The following SCN2A variants were observed in gnomAD, a reference collection of about 807,000 sequenced individuals.
The protein encoded by SCN2A is sodium voltage-gated channel alpha subunit 2.
A neutral mutation model predicts 188.7 loss-of-function variants in SCN2A; 20 were observed. The ratio of observed to expected loss-of-function variants is 0.11; its 90% CI spans 0.07 to 0.15. The LOEUF is 0.15. Ranked by LOEUF, SCN2A falls within the 10% of genes least tolerant of loss-of-function variation. The probability of loss-of-function intolerance (pLI) is 1.00; values close to 1 mark genes in which losing one functional copy is unlikely to be tolerated. For missense variants in SCN2A, 1,278 were observed against 2,445.0 expected (o/e 0.52, Z 10.07); for synonymous variants, 804 against 833.1 (o/e 0.97, Z 0.60).
chr2:165,323,679 A>G (rs1698185644), intron 12 of SCN2A, among the ~76,000 whole-genome samples, 179 bp downstream of exon 12: 1 of 152,242 alleles, frequency 6.6e-6, no homozygotes, highest in Non-Finnish European at 1.5e-5. Flanking sequence ...TCTACAAAGT[A>G]ATTAAAAACC....
At chr2:165,312,161 A>G in intron 8 of SCN2A, 73 bp downstream of exon 8, 1 of 1,071,590 alleles carries the variant, frequency 9.3e-7, no homozygotes, top group Admixed American at 1.7e-5. Context: ...CCTCCCACTC[A>G]TCCAGTCCCA....
intron 6 of SCN2A, among the ~76,000 whole-genome samples, chr2:165,309,953 C>T (rs1697344513): frequency 6.6e-6 from 1 of 152,104 alleles, no homozygotes; most frequent in Non-Finnish European, 1.5e-5. Flanking sequence ...ACTCTATTCA[C>T]ATAGACTTTT....
rs1014113218 is a variant in SCN2A, at chr2:165,326,706, A to G, written c.2017-146A>G. The G allele has an allele frequency of 1.5e-5, 15 of 1,000,952 alleles. No individual in the cohort carries two copies. In the African/African-American group the frequency reaches 2.3e-4, roughly 15 times the overall value. The allele number at this position is 1,000,952 out of a possible 1,614,324, so 62.0% of individuals were successfully genotyped here. A position where few individuals can be genotyped will look rare whatever the true frequency, so the allele number is the denominator to read the frequency against. On this transcript the variant is annotated intron_variant, in intron 12 of 26. Coordinates refer to ENST00000375437, the MANE Select transcript of SCN2A (RefSeq NM_001040142.2). ...CAGACTTTTAAACAACCCCCAAAGA[A>G]TTATCATTCCAACAATATCTTAGTG...
intron 13 of SCN2A, chr2:165,328,392 C>G: frequency 8.2e-6 from 6 of 734,900 alleles, no homozygotes; most frequent in Non-Finnish European, 1.0e-5. Flanking sequence ...TTGCTCCTCC[C>G]TGTCCCTCCA....
chr2:165,249,383 C>T (rs563868103), intron 1 of SCN2A, among the ~76,000 whole-genome samples: 1 of 152,084 alleles, frequency 6.6e-6, no homozygotes, highest in Non-Finnish European at 1.5e-5. Flanking sequence ...TTGTCCAGGA[C>T]TTAATCATTG....
chr2:165,323,113 A>G (rs1167099968), intron 11 of SCN2A, 43 bp from the exon 12 acceptor site: 16 of 1,526,850 alleles, frequency 1.0e-5, no homozygotes, highest in African/African-American at 1.4e-5. Flanking sequence ...CCAGCTCTTA[A>G]CTCTCTTCAT....
At chr2:165,325,263 A>T (rs1314135796) in intron 12 of SCN2A, among the ~76,000 whole-genome samples, 1 of 152,160 alleles carries the variant, frequency 6.6e-6, no homozygotes, top group African/African-American at 2.4e-5. Flanking sequence ...CTGAAGGCAA[A>T]GTTGGGGCCA....
At chr2:165,296,524 T>A in intron 2 of SCN2A, 1 of 207,940 alleles carries the variant, frequency 4.8e-6, no homozygotes, top group Non-Finnish European at 9.8e-6. Flanking sequence ...TAAGTCACTT[T>A]GATCTTCAGT....
intron 19 of SCN2A, 121 bp downstream of exon 19, chr2:165,367,492 TGA>T (rs1700790931): frequency 1.7e-6 from 2 of 1,159,736 alleles, no homozygotes; most frequent in Non-Finnish European, 2.5e-6. Flanking sequence ...GAAATATGTG[TGA>T]CGTGTTTAGC....
At chr2:165,344,419 A>C in intron 15 of SCN2A, 136 bp from the exon 16 acceptor site, 1 of 483,906 alleles carries the variant, frequency 2.1e-6, no homozygotes, top group Non-Finnish European at 3.0e-6. Flanking sequence ...CACATTGTGC[A>C]CATGTACCCT....
At chr2:165,256,873 A>G (rs1694350631) in intron 1 of SCN2A, among the ~76,000 whole-genome samples, 1 of 152,232 alleles carries the variant, frequency 6.6e-6, no homozygotes, top group African/African-American at 2.4e-5. Flanking sequence ...AGATGATTCT[A>G]TCAAATATTG....
chr2:165,259,720 G>A (rs1301868600), intron 1 of SCN2A, among the ~76,000 whole-genome samples: 1 of 151,888 alleles, frequency 6.6e-6, no homozygotes, highest in South Asian at 2.1e-4. Context: ...TTCCTCCACC[G>A]AATTCTTGAA....
chr2:165,343,321 G>T (rs1699409119), intron 15 of SCN2A, among the ~76,000 whole-genome samples: 1 of 152,026 alleles, frequency 6.6e-6, no homozygotes, highest in Non-Finnish European at 1.5e-5. Context: ...GTAATCCTTA[G>T]AACTATATTT....
chr2:165,349,995 G>C (rs898212178), intron 16 of SCN2A, among the ~76,000 whole-genome samples: 1 of 152,154 alleles, frequency 6.6e-6, no homozygotes, highest in Non-Finnish European at 1.5e-5. Flanking sequence ...ACAATGGATG[G>C]GACTGCCAGC....
In SCN2A at chr2:165,295,775, C is replaced by T. The variant is rs752540179; in HGVS notation, c.-49C>T. 1 of 1,613,358 alleles carries T rather than the reference C, an allele frequency of 6.2e-7. No homozygotes were observed. The highest frequency in any genetic ancestry group is 1.7e-5 in the Admixed American group (1 of 59,954). On this transcript the variant is annotated splice_region_variant and 5_prime_UTR_variant, in exon 2 of 27. Coordinates refer to ENST00000375437, the MANE Select transcript of SCN2A (RefSeq NM_001040142.2). ...TTTTTCCCTCCCTGTTTCTGTAGCA[C>T]TTTCTTATGCAAGGAGCTAAACAGT...
At chr2:165,241,314 G>C (rs1693613320) in intron 1 of SCN2A, among the ~76,000 whole-genome samples, 1 of 152,156 alleles carries the variant, frequency 6.6e-6, no homozygotes, top group East Asian at 1.9e-4. Context: ...CTGTTTCTTA[G>C]TATGCCTTTT....
intron 1 of SCN2A, chr2:165,274,453 T>C (rs1056957428): frequency 3.9e-5 from 6 of 151,914 alleles, no homozygotes; most frequent in African/African-American, 1.4e-4. Context: ...TTCTCTGTAA[T>C]GTATTAGGAA....
intron 1 of SCN2A, among the ~76,000 whole-genome samples, chr2:165,287,461 C>T (rs1002662765): frequency 2.0e-5 from 3 of 151,858 alleles, no homozygotes; most frequent in Non-Finnish European, 2.9e-5. Context: ...CTTGAGCTCA[C>T]TCACCCAATT....
At chr2:165,303,278 T>G (rs1353912881) in intron 3 of SCN2A, among the ~76,000 whole-genome samples, 1 of 136,804 alleles carries the variant, frequency 7.3e-6, no homozygotes, top group East Asian at 2.2e-4. Context: ...GAGTTTTTTT[T>G]TTTTTTTTTT....
Sources: gnomAD v4.1 joint callset for allele counts (sites outside exome capture counted in the v4.1 genomes callset) on GRCh38, gnomAD v4.1.1 for gene constraint, MANE v1.5 for transcripts, NCBI Gene and HGNC (gene_info 2026-07-23, HGNC 2026-07-21) for gene names.